The following PRKD1 variants were observed in gnomAD, a reference collection of about 807,000 sequenced individuals.
PRKD1 encodes the protein protein kinase D1, also known as serine/threonine-protein kinase D1.
In PRKD1, 63 loss-of-function variants were observed where a neutral mutation model predicts 95.9. That is an observed-to-expected ratio of 0.66 (90% CI 0.54 to 0.81). PRKD1 has a LOEUF of 0.81. Among genes scored for constraint, PRKD1 ranks in the 30% least tolerant of loss-of-function variants. The probability of loss-of-function intolerance (pLI) is 0.00; values close to 1 mark genes in which losing one functional copy is unlikely to be tolerated. For missense variants in PRKD1, 1,048 were observed against 1,165.3 expected, an observed-to-expected ratio of 0.90 and a Z score of 1.47; for synonymous variants, 425 against 423.1, an observed-to-expected ratio of 1.00 and a Z score of -0.05.
intron 1 of PRKD1, among the ~76,000 whole-genome samples, chr14:29,884,717 C>G (rs562187300): frequency 6.6e-6 from 1 of 152,296 alleles, no homozygotes; most frequent in South Asian, 2.1e-4. Context: ...TTATGGCATA[C>G]AAGTAGTTCA....
intron 1 of PRKD1, among the ~76,000 whole-genome samples, chr14:29,863,964 A>G (rs1779478637): frequency 1.3e-5 from 2 of 152,180 alleles, no homozygotes; most frequent in South Asian, 4.1e-4. Context: ...CAGCTAAAAT[A>G]ATTTTTATGG....
chr14:29,725,679 A>G lies in PRKD1; in HGVS notation c.265-5T>C, dbSNP rs45442100. 2.5e-3 allele frequency: 4,015 copies of G among 1,612,780 alleles called. 75 individuals are homozygous for G. The African/African-American group carries it at 0.048, about 19-fold the overall frequency. The stretch of plus-strand genomic sequence containing the variant: ...GTAGAAACCACATTCAGGGAACTGC[A>G]AATACAAATACCATGAGAGTGTAAA... On this transcript the variant is annotated splice_polypyrimidine_tract_variant and splice_region_variant and intron_variant, in intron 1 of 17. Coordinates refer to ENST00000331968, the MANE Select transcript of PRKD1 (RefSeq NM_002742.3).
chr14:29,582,603 C>T (rs897067546), intron 16 of PRKD1, among the ~76,000 whole-genome samples: 3 of 152,106 alleles, frequency 2.0e-5, no homozygotes, highest in African/African-American at 7.2e-5. Flanking sequence ...TAGGTGCCAG[C>T]TCCCAGCAGA....
chr14:29,882,412 T>C (rs893214347), intron 1 of PRKD1, among the ~76,000 whole-genome samples: 3 of 152,224 alleles, frequency 2.0e-5, no homozygotes, highest in Admixed American at 6.5e-5. Context: ...CTAGGTATTA[T>C]TCTTTAGAAA....
chr14:29,755,501 C>G (rs1036487087), intron 1 of PRKD1, among the ~76,000 whole-genome samples: 1 of 152,064 alleles, frequency 6.6e-6, no homozygotes, highest in African/African-American at 2.4e-5. Context: ...CCCGGCGACA[C>G]AGAGTGCCGG....
rs145291233 is a variant in PRKD1 at position 29,704,942 on chromosome 14, C to T, written c.403+20594G>A. Among the ~76,000 whole-genome samples, 844 of 152,152 alleles carry T rather than the reference C, an allele frequency of 5.5e-3. 6 individuals are homozygous for T. The highest frequency in any genetic ancestry group is 0.019 in the African/African-American group (797 of 41,528). ...CAATTCGGTCCATGTGATATTTGTCCTATCAAGGCTAAAGATGTAGTGTTA... is the reference window on the plus strand; with the variant it reads ...CAATTCGGTCCATGTGATATTTGTCTTATCAAGGCTAAAGATGTAGTGTTA... On this transcript the variant is annotated intron_variant, in intron 2 of 17. Coordinates refer to ENST00000331968, the MANE Select transcript of PRKD1 (RefSeq NM_002742.3).
intron 2 of PRKD1, among the ~76,000 whole-genome samples, chr14:29,672,866 C>T (rs937987648): frequency 6.6e-6 from 1 of 151,682 alleles, no homozygotes; most frequent in East Asian, 1.9e-4. Flanking sequence ...AGAAAGTTAA[C>T]ATGTATTTAC....
At chr14:29,677,415 C>T (rs1479752036) in intron 2 of PRKD1, among the ~76,000 whole-genome samples, 2 of 152,160 alleles carry the variant, frequency 1.3e-5, no homozygotes, top group African/African-American at 4.8e-5. Flanking sequence ...TCCAGGCCTA[C>T]ACATGAATTT....
intron 7 of PRKD1, among the ~76,000 whole-genome samples, chr14:29,635,824 T>A (rs1423967112): frequency 6.6e-6 from 1 of 152,100 alleles, no homozygotes; most frequent in Non-Finnish European, 1.5e-5. Context: ...ACCAAAAGCA[T>A]AATTAAATAA....
chr14:29,770,098 G>C (rs1220626191), intron 1 of PRKD1, among the ~76,000 whole-genome samples: 3 of 152,188 alleles, frequency 2.0e-5, no homozygotes, highest in Non-Finnish European at 2.9e-5. Context: ...CTATGAAGCA[G>C]AGAACAAGCC....
chr14:29,713,989 A>G (rs1005849595), intron 2 of PRKD1, among the ~76,000 whole-genome samples: 2 of 152,190 alleles, frequency 1.3e-5, no homozygotes, highest in African/African-American at 2.4e-5. Context: ...ACACAATTAA[A>G]TAAGATATAG....
intron 2 of PRKD1, among the ~76,000 whole-genome samples, chr14:29,692,117 T>A (rs1884271714): frequency 6.6e-6 from 1 of 152,146 alleles, no homozygotes; most frequent in Non-Finnish European, 1.5e-5. Flanking sequence ...TATGTGTGAG[T>A]CATTAATTTA....
intron 4 of PRKD1, among the ~76,000 whole-genome samples, chr14:29,643,910 G>T (rs1880960406): frequency 6.6e-6 from 1 of 152,164 alleles, no homozygotes; most frequent in South Asian, 2.1e-4. Flanking sequence ...ACTGTGTCTG[G>T]ATTTGGGGAG....
At chr14:29,788,405 TGG>T (rs1889370837) in intron 1 of PRKD1, among the ~76,000 whole-genome samples, 1 of 152,198 alleles carries the variant, frequency 6.6e-6, no homozygotes, top group East Asian at 1.9e-4. Flanking sequence ...GAAGACCTTT[TGG>T]AATTGAATCA....
At position 29,623,175 on chromosome 14, in the gene PRKD1, GT is replaced by G. The variant is rs201258673; in HGVS notation, c.1905+976del. ...ATTGTGAGTCCTCTGTGCTCCATTA[GT>G]TGTCCAGAGACACAAAAACATCATC... On this transcript the variant is annotated intron_variant, in intron 13 of 17. Coordinates refer to ENST00000331968, the MANE Select transcript of PRKD1 (RefSeq NM_002742.3). 2.9e-3 allele frequency among the ~76,000 whole-genome samples: 436 copies of G among 152,278 alleles called. 1 individual carries two copies. Among genetic ancestry groups the G allele is most frequent in the African/African-American group, 9.2e-3 (383 of 41,554 alleles).
At chr14:29,765,229 T>C (rs1566587590) in intron 1 of PRKD1, among the ~76,000 whole-genome samples, 1 of 152,118 alleles carries the variant, frequency 6.6e-6, no homozygotes, top group Non-Finnish European at 1.5e-5. Context: ...CAAAATCCTA[T>C]ACAGGATTTA....
At chr14:29,635,589 T>C (rs541369230) in intron 7 of PRKD1, among the ~76,000 whole-genome samples, 1 of 152,332 alleles carries the variant, frequency 6.6e-6, no homozygotes, top group East Asian at 1.9e-4. Context: ...CTTTATAATA[T>C]AAATCAGAGA....
At position 29,642,865 on chromosome 14, in the gene PRKD1, C is replaced by T. The variant is rs527453261; in HGVS notation, c.697-3961G>A. The stretch of plus-strand genomic sequence containing the variant: ...TTAATTTTCACTCTTAGTCTCTATT[C>T]CAATTTGGCCCCATGTATTTGGTGA... On this transcript the variant is annotated intron_variant, in intron 4 of 17. Transcript: ENST00000331968. 1.3e-4 allele frequency among the ~76,000 whole-genome samples: 20 copies of T among 150,750 alleles called. 1 individual carries two copies. The highest frequency in any genetic ancestry group is 4.2e-4 in the South Asian group (2 of 4,758).
At chr14:29,622,402 G>T (rs1478765669) in intron 13 of PRKD1, among the ~76,000 whole-genome samples, 1 of 42,846 alleles carries the variant, frequency 2.3e-5, no homozygotes, top group African/African-American at 1.0e-4. Context: ...CCTTCCTTCT[G>T]TTTTTATTAT....
Sources: allele counts gnomAD v4.1 joint callset (sites outside exome capture counted in the v4.1 genomes callset), GRCh38; gene constraint gnomAD v4.1.1; transcripts MANE v1.5; gene names NCBI Gene and HGNC (gene_info 2026-07-23, HGNC 2026-07-21).